The following TRAPPC9 variants were observed in gnomAD, a reference collection of about 807,000 sequenced individuals.
The protein encoded by TRAPPC9 is IKK2 binding protein.
Under a neutral mutation model 124.0 loss-of-function variants are expected in TRAPPC9, and 83 were observed. The observed-to-expected ratio is 0.67, with a 90% confidence interval of 0.56 to 0.80. The LOEUF is 0.80. Among genes scored for constraint, TRAPPC9 ranks in the 30% least tolerant of loss-of-function variants. The pLI is 0.00. For missense variants in TRAPPC9, 1,302 were observed against 1,508.3 expected (o/e 0.86, Z 2.27); for synonymous variants, 638 against 617.5 (o/e 1.03, Z -0.49).
Position 139,730,722 on chromosome 8 carries a change from C to T in TRAPPC9, c.*339G>A, listed in dbSNP as rs1377313567. On this transcript the variant is annotated 3_prime_UTR_variant, in exon 23 of 23. Coordinates refer to ENST00000438773, the MANE Select transcript of TRAPPC9 (RefSeq NM_001160372.4). Reference sequence around the variant, plus strand: ...GAGGTCCCTCTGCTGGGATGAGCAGCACAGCACGGCTGGGGCCCCAGGTCA... The same window carrying T: ...GAGGTCCCTCTGCTGGGATGAGCAGTACAGCACGGCTGGGGCCCCAGGTCA... 2 of 366,726 alleles carry T rather than the reference C, an allele frequency of 5.5e-6. No individual in the cohort carries two copies. The allele number at this position is 366,726 out of a possible 1,614,324, so 22.7% of individuals were successfully genotyped here.
chr8:140,338,001 T>A (rs2067090209), intron 9 of TRAPPC9, among the ~76,000 whole-genome samples: 1 of 152,178 alleles, frequency 6.6e-6, no homozygotes, highest in African/African-American at 2.4e-5. Flanking sequence ...ATCCTGAACG[T>A]TCTAAAGAGG....
intron 19 of TRAPPC9, among the ~76,000 whole-genome samples, chr8:139,922,784 C>T (rs1000062925): frequency 4.6e-5 from 7 of 152,150 alleles, no homozygotes; most frequent in South Asian, 2.1e-4. Context: ...AGGTAAAGGA[C>T]GGGTCCAAAT....
chr8:140,391,467 C>T (rs1376782618), intron 7 of TRAPPC9, among the ~76,000 whole-genome samples: 3 of 152,178 alleles, frequency 2.0e-5, no homozygotes, highest in African/African-American at 7.2e-5. Context: ...AATCCCAGCA[C>T]TTTGGAAGGC....
At chr8:140,305,594 G>T in intron 10 of TRAPPC9, among the ~76,000 whole-genome samples, 1 of 152,136 alleles carries the variant, frequency 6.6e-6, no homozygotes, top group East Asian at 1.9e-4. Context: ...GAGCCACCGT[G>T]CCAGACCCAG....
chr8:140,300,949 T>C (rs769433250), intron 10 of TRAPPC9, among the ~76,000 whole-genome samples: 1 of 152,202 alleles, frequency 6.6e-6, no homozygotes, highest in Non-Finnish European at 1.5e-5. Context: ...TTTGGGCACG[T>C]GCCTTGCCAT....
chr8:140,254,924 G>A lies in TRAPPC9; in HGVS notation c.2279-1995C>T, dbSNP rs143480004. 2.8e-4 allele frequency among the ~76,000 whole-genome samples: 42 copies of A among 152,304 alleles called. 1 individual carries two copies. Among genetic ancestry groups the A allele is most frequent in the African/African-American group, 9.6e-4 (40 of 41,570 alleles). ...GAAGACCCAGAAGTGAACCTCACAG[G>A]AGCTCAGGGGAAGACGGAGAGCTTG... On this transcript the variant is annotated intron_variant, in intron 15 of 22. Transcript: ENST00000438773.
intron 15 of TRAPPC9, among the ~76,000 whole-genome samples, chr8:140,258,793 G>T (rs1156448231): frequency 2.0e-5 from 3 of 152,250 alleles, no homozygotes; most frequent in Non-Finnish European, 4.4e-5. Flanking sequence ...CTGCTTGCTG[G>T]GGGCCAGGGC....
chr8:140,453,552 A>G (rs951217092), intron 1 of TRAPPC9, among the ~76,000 whole-genome samples: 2 of 60,418 alleles, frequency 3.3e-5, no homozygotes, highest in Admixed American at 2.8e-4. Context: ...CTTCAAAAAT[A>G]CACATGGATA....
chr8:139,969,329 G>A (rs1221164810), intron 19 of TRAPPC9, among the ~76,000 whole-genome samples: 1 of 152,220 alleles, frequency 6.6e-6, no homozygotes, highest in East Asian at 1.9e-4. Flanking sequence ...TCGCTAGACT[G>A]GGGTCTCAAA....
At chr8:140,382,519 C>T (rs769218963) in intron 7 of TRAPPC9, among the ~76,000 whole-genome samples, 6 of 151,426 alleles carry the variant, frequency 4.0e-5, no homozygotes, top group East Asian at 2.0e-4. Context: ...GAGGGTCCCA[C>T]GCCCGGCTGG....
At position 139,788,932 on chromosome 8, in the gene TRAPPC9, G is replaced by C. The variant is rs1822464621; in HGVS notation, c.3056-56730C>G. On this transcript the variant is annotated intron_variant, in intron 21 of 22. Coordinates refer to ENST00000438773, the MANE Select transcript of TRAPPC9 (RefSeq NM_001160372.4). This position sits in a 1 kb window ranked among gnomAD's most constrained non-coding sequence, Gnocchi z 4.9. ...AAAGTTTTAAAAGAAAAGCCCACGT[G>C]GGGAGCATTTTGTTTTGAAAAAGCC... 6.6e-6 allele frequency among the ~76,000 whole-genome samples: 1 copy of C among 152,182 alleles called. No individual in the cohort carries two copies. Among genetic ancestry groups the C allele is most frequent in the Admixed American group, 6.5e-5 (1 of 15,282 alleles).
intron 17 of TRAPPC9, among the ~76,000 whole-genome samples, chr8:140,159,758 AG>A (rs1193650594): frequency 6.6e-6 from 1 of 152,180 alleles, no homozygotes; most frequent in Non-Finnish European, 1.5e-5. Context: ...AGTGGTGCAA[AG>A]CACTGTTTCA....
intron 4 of TRAPPC9, among the ~76,000 whole-genome samples, chr8:140,434,134 G>C (rs2070736923): frequency 6.6e-6 from 1 of 152,168 alleles, no homozygotes; most frequent in Non-Finnish European, 1.5e-5. Flanking sequence ...ACTTCTAGTG[G>C]GTATTTAGAC....
chr8:139,812,101 C>T (rs913745952), intron 21 of TRAPPC9, among the ~76,000 whole-genome samples: 21 of 152,058 alleles, frequency 1.4e-4, no homozygotes, highest in South Asian at 2.1e-4. Flanking sequence ...CATGCACACA[C>T]GATGTAGCTG....
In TRAPPC9 at chr8:139,885,907, C is replaced by T. The variant is rs957952038; in HGVS notation, c.3027G>A (p.Glu1009=). The part of the protein sequence containing the change: ...VEGLLNQLVL[E]HLQLAPLQWD... ...ACTGCAGAGGCGCCAGCTGCAGGTG[C>T]TCCAGGACGAGCTGGTTCAGGAGTC... The change falls in exon 21 of 23, where the codon GAG becomes GAA. Residue 1009 remains glutamate, a synonymous_variant. Coordinates refer to ENST00000438773, the MANE Select transcript of TRAPPC9 (RefSeq NM_001160372.4). 5.7e-6 allele frequency: 9 copies of T among 1,570,416 alleles called. No individual in the cohort carries two copies. Among genetic ancestry groups the T allele is most frequent in the Non-Finnish European group, 5.2e-6 (6 of 1,157,076 alleles).
chr8:140,387,081 T>C (rs2068774726), intron 7 of TRAPPC9, among the ~76,000 whole-genome samples: 1 of 152,180 alleles, frequency 6.6e-6, no homozygotes, highest in African/African-American at 2.4e-5. Flanking sequence ...ATTCCCTATT[T>C]AACAAATGGT....
At chr8:139,912,029 G>A (rs1181098037) in intron 19 of TRAPPC9, among the ~76,000 whole-genome samples, 1 of 151,666 alleles carries the variant, frequency 6.6e-6, no homozygotes. Flanking sequence ...GGCAAAACAT[G>A]GTTTTTAAAA....
At position 140,285,492 on chromosome 8, in the gene TRAPPC9, G is replaced by A. The variant is rs184263438; in HGVS notation, c.1982-1471C>T. ...CTGACCACATCTCTCTTCAAATAAC[G>A]CAGCAGCCCCAATGCCCTCCAGAGA... On this transcript the variant is annotated intron_variant, in intron 13 of 22. Coordinates refer to ENST00000438773, the MANE Select transcript of TRAPPC9 (RefSeq NM_001160372.4). 1.8e-4 allele frequency among the ~76,000 whole-genome samples: 28 copies of A among 152,204 alleles called. No homozygotes were observed. The East Asian group carries it at 4.3e-3, about 23-fold the overall frequency.
intron 17 of TRAPPC9, among the ~76,000 whole-genome samples, chr8:140,042,205 ATGTGTG>A (rs57584807): frequency 0.015 from 2,257 of 149,238 alleles, 41 homozygotes; most frequent in African/African-American, 0.045. Context: ...AAAAAAGTGT[ATGTGTG>A]TGTGTGTGTG....
Sources: gnomAD v4.1 joint callset for allele counts (sites outside exome capture counted in the v4.1 genomes callset) on GRCh38, gnomAD v4.1.1 for gene constraint, Gnocchi (gnomAD v3.1) non-coding constraint, MANE v1.5 for transcripts, NCBI Gene and HGNC (gene_info 2026-07-23, HGNC 2026-07-21) for gene names.